The following DOCK8 variants were observed in gnomAD, a reference collection of about 807,000 sequenced individuals.
DOCK8 encodes dedicator of cytokinesis 8.
DOCK8 carries 141 observed loss-of-function variants against 245.6 expected under a neutral mutation model. That is an observed-to-expected ratio of 0.57 (90% CI 0.50 to 0.66). The LOEUF (loss-of-function observed/expected upper bound fraction) is 0.66. Ranked by LOEUF, DOCK8 falls within the 30% of genes least tolerant of loss-of-function variation. The probability of loss-of-function intolerance (pLI) is 0.00; values close to 1 mark genes in which losing one functional copy is unlikely to be tolerated. For missense variants in DOCK8, 2,965 were observed against 2,603.4 expected, an observed-to-expected ratio of 1.14 and a Z score of -3.02; for synonymous variants, 1,168 against 970.2, an observed-to-expected ratio of 1.20 and a Z score of -3.79.
intron 28 of DOCK8, among the ~76,000 whole-genome samples, chr9:407,349 T>A (rs2055482827): frequency 6.6e-6 from 1 of 152,214 alleles, no homozygotes; most frequent in Non-Finnish European, 1.5e-5. Context: ...ATAGCAGGTT[T>A]CCCAAGGATG....
At chr9:355,526 C>G (rs965707313) in intron 14 of DOCK8, among the ~76,000 whole-genome samples, 12 of 151,984 alleles carry the variant, frequency 7.9e-5, no homozygotes, top group African/African-American at 2.9e-4. Flanking sequence ...TCTAGGACAT[C>G]TGCAATGCAT....
intron 3 of DOCK8, among the ~76,000 whole-genome samples, chr9:286,988 A>G (rs564615881): frequency 6.6e-6 from 1 of 152,314 alleles, no homozygotes; most frequent in Admixed American, 6.5e-5. Context: ...CGGTTTCTCC[A>G]TTTGTAAAAA....
At chr9:334,455 G>A (rs775996699) in intron 11 of DOCK8, 71 bp downstream of exon 11, 2 of 1,536,502 alleles carry the variant, frequency 1.3e-6, no homozygotes, top group Non-Finnish European at 1.8e-6. Context: ...CAGCTTACTA[G>A]CGGGGACTGG....
chr9:215,200 CGCGCGGCGGCTCCT>C, intron 1 of DOCK8, 171 bp downstream of exon 1: 1 of 1,520,160 alleles, frequency 6.6e-7, no homozygotes, highest in Non-Finnish European at 8.8e-7. Flanking sequence ...AGCCGCTGGA[CGCGCGGCGGCTCCT>C]GCGCTGGGCC....
chr9:349,553 A>G (rs922752571), intron 14 of DOCK8, among the ~76,000 whole-genome samples: 40 of 152,340 alleles, frequency 2.6e-4, no homozygotes, highest in African/African-American at 8.4e-4. Context: ...TTTCCCTAGA[A>G]TTACAGCTTT....
chr9:296,482 A>G (rs12377992), intron 4 of DOCK8, among the ~76,000 whole-genome samples: 2 of 152,170 alleles, frequency 1.3e-5, no homozygotes, highest in African/African-American at 4.8e-5. Context: ...TTTGTTTTTC[A>G]TCTGGGGTGA....
At chr9:217,067 T>C (rs2046773513) in intron 1 of DOCK8, among the ~76,000 whole-genome samples, 1 of 152,156 alleles carries the variant, frequency 6.6e-6, no homozygotes, top group Non-Finnish European at 1.5e-5. Context: ...AGGTACAAAG[T>C]CCGAATTGCC....
intron 1 of DOCK8, among the ~76,000 whole-genome samples, chr9:267,212 G>T (rs1488738087): frequency 1.3e-5 from 2 of 152,130 alleles, no homozygotes. Context: ...GTTTGTTTTT[G>T]TTTTTGTTTT....
In DOCK8 at chr9:317,137, CAACA is replaced by C; in HGVS notation, c.827+14_827+17del. 6.3e-7 allele frequency: 1 copy of C among 1,592,896 alleles called. No homozygotes were observed. The highest frequency in any genetic ancestry group is 8.6e-7 in the Non-Finnish European group (1 of 1,160,702). On this transcript the variant is annotated intron_variant, in intron 7 of 47. Coordinates refer to ENST00000432829, the MANE Select transcript of DOCK8 (RefSeq NM_203447.4). Reference sequence around the variant, plus strand: ...AAGTTGCTGACCTTGAAGTAAGTATCAACAAACACACTGCCACCGCTTTGAGATT... The same window carrying C: ...AAGTTGCTGACCTTGAAGTAAGTATCAACACACTGCCACCGCTTTGAGATT...
intron 2 of DOCK8, among the ~76,000 whole-genome samples, chr9:281,241 C>G (rs373363203): frequency 7.8e-4 from 114 of 146,670 alleles, no homozygotes; most frequent in African/African-American, 2.8e-3. Flanking sequence ...GAGTGAGACT[C>G]TGTCTCAAAA....
At chr9:347,279 G>C (rs2051938900) in intron 14 of DOCK8, among the ~76,000 whole-genome samples, 1 of 152,116 alleles carries the variant, frequency 6.6e-6, no homozygotes, top group African/African-American at 2.4e-5. Flanking sequence ...CGAGGCGGGA[G>C]GATCCATTGA....
chr9:370,079 A>T, intron 15 of DOCK8, 151 bp from the exon 16 acceptor site: 1 of 704,912 alleles, frequency 1.4e-6, no homozygotes, highest in South Asian at 1.5e-5. Context: ...CTGAGATTAC[A>T]GGTGTGAGCC....
chr9:325,587 C>A (rs2050728908), intron 7 of DOCK8, 84 bp from the exon 8 acceptor site: 3 of 1,107,882 alleles, frequency 2.7e-6, no homozygotes, highest in Non-Finnish European at 2.8e-6. Context: ...ATATTTTTAA[C>A]CAGTTTATCT....
chr9:397,309 C>CCG (rs2054509173), intron 25 of DOCK8, among the ~76,000 whole-genome samples: 2 of 149,300 alleles, frequency 1.3e-5, no homozygotes, highest in Admixed American at 1.4e-4. Context: ...CGAGATGGTG[C>CCG]CACAGCACTC....
chr9:349,270 C>A (rs989511585), intron 14 of DOCK8, among the ~76,000 whole-genome samples: 3 of 152,160 alleles, frequency 2.0e-5, no homozygotes, highest in Admixed American at 6.5e-5. Flanking sequence ...GATGAAATTT[C>A]TTTACCCACT....
chr9:390,484 A>G lies in DOCK8; in HGVS notation c.2888A>G (p.Glu963Gly). 6.2e-7 allele frequency: 1 copy of G among 1,614,192 alleles called. No homozygotes were observed. Among genetic ancestry groups the G allele is most frequent in the Non-Finnish European group, 8.5e-7 (1 of 1,180,000 alleles). The change falls in exon 24 of 48, where the codon GAG becomes GGG. Residue 963 changes from glutamate (E) to glycine (G), a missense_variant. By Grantham distance (98) the Glu-to-Gly change is moderately conservative (BLOSUM62 -2). Transcript: ENST00000432829. ...GTTCTTATTTAGCATTTCCATGAGGAGCTTGCCCTTCAGATGGTGGTCAGC... is the reference window on the plus strand; with the variant it reads ...GTTCTTATTTAGCATTTCCATGAGGGGCTTGCCCTTCAGATGGTGGTCAGC... ...RPASKKHFHE[E>G]LALQMVVSTG...
intron 1 of DOCK8, among the ~76,000 whole-genome samples, chr9:261,284 T>G (rs1420989106): frequency 6.6e-6 from 1 of 152,222 alleles, no homozygotes; most frequent in Non-Finnish European, 1.5e-5. Context: ...ACATGTAGTT[T>G]TCTTCTCTGG....
chr9:419,210 C>T (rs7853771), intron 30 of DOCK8, among the ~76,000 whole-genome samples: 8 of 152,150 alleles, frequency 5.3e-5, no homozygotes, highest in African/African-American at 1.9e-4. Context: ...AAAGCAGCAT[C>T]CTGACCTAAC....
At position 406,048 on chromosome 9, in the gene DOCK8, T is replaced by C. The variant is rs377392894; in HGVS notation, c.3391-882T>C. Among the ~76,000 whole-genome samples the C allele has an allele frequency of 1.8e-4, 27 of 152,320 alleles. 1 individual carries two copies. The East Asian group carries it at 2.1e-3, about 12-fold the overall frequency. ...CCATGAAGGATTTCTAAAGACACTT[T>C]AGATGCTCTTAATGAAATATAAAGT... On this transcript the variant is annotated intron_variant, in intron 27 of 47. Transcript: ENST00000432829.
Sources: gnomAD v4.1 joint callset for allele counts (sites outside exome capture counted in the v4.1 genomes callset) on GRCh38, gnomAD v4.1.1 for gene constraint, MANE v1.5 for transcripts, NCBI Gene and HGNC (gene_info 2026-07-23, HGNC 2026-07-21) for gene names.